Variants in SEC14L1 observed in about 807,000 individuals in gnomAD.
The protein encoded by SEC14L1 is SEC14 like lipid binding 1, also known as SEC14-like protein 1.
A neutral mutation model predicts 85.3 loss-of-function variants in SEC14L1; 48 were observed. The observed-to-expected ratio is 0.56, with a 90% CI of 0.45 to 0.72. The LOEUF (loss-of-function observed/expected upper bound fraction) is 0.72. Among genes scored for constraint, SEC14L1 ranks in the 30% least tolerant of loss-of-function variants. The pLI is 0.00. For missense variants in SEC14L1, 682 were observed against 921.4 expected (o/e 0.74, Z 3.36); for synonymous variants, 391 against 355.5 (o/e 1.10, Z -1.12).
At chr17:77,175,950 G>A (rs1368082466) in intron 3 of SEC14L1, among the ~76,000 whole-genome samples, 4 of 152,120 alleles carry the variant, frequency 2.6e-5, no homozygotes, top group Admixed American at 6.6e-5. Flanking sequence ...ATGCAAAAAA[G>A]GTTAAAGTGA....
At chr17:77,171,599 GC>G in intron 3 of SEC14L1, among the ~76,000 whole-genome samples, 1 of 152,258 alleles carries the variant, frequency 6.6e-6, no homozygotes, top group Non-Finnish European at 1.5e-5. Context: ...TGTTAATGAG[GC>G]CTTGCTCTGT....
chr17:77,145,752 C>T (rs558833757), intron 3 of SEC14L1, among the ~76,000 whole-genome samples: 73 of 152,140 alleles, frequency 4.8e-4, no homozygotes, highest in Non-Finnish European at 9.6e-4. Flanking sequence ...GGCTGAGCTC[C>T]AGAGCCTGGT....
Position 77,205,271 on chromosome 17 carries a change from T to C in SEC14L1, c.1099-5T>C, listed in dbSNP as rs756720827. 8 of 1,613,456 alleles carry C rather than the reference T, an allele frequency of 5.0e-6. No homozygotes were observed. The highest frequency in any genetic ancestry group is 1.1e-5 in the South Asian group (1 of 90,896). ...TGGTAAATTTTCATGCCCTTTTGTA[T>C]GTAGGTTCTCTCCATAAATGAAGAA... is the stretch of plus-strand genomic sequence containing the variant. On this transcript the variant is annotated splice_polypyrimidine_tract_variant and splice_region_variant and intron_variant, in intron 10 of 16. Coordinates refer to ENST00000436233, the MANE Select transcript of SEC14L1 (RefSeq NM_001143998.2).
At chr17:77,122,163 G>T (rs1348032295) in intron 3 of SEC14L1, among the ~76,000 whole-genome samples, 2 of 152,200 alleles carry the variant, frequency 1.3e-5, no homozygotes, top group Admixed American at 1.3e-4. Flanking sequence ...ACAGTAGGTG[G>T]ATTGCTTCTG....
chr17:77,112,932 G>A (rs942249384), intron 3 of SEC14L1, among the ~76,000 whole-genome samples: 5 of 152,038 alleles, frequency 3.3e-5, no homozygotes, highest in East Asian at 1.9e-4. Context: ...TTGGGAGGCC[G>A]AGGTGGAAGG....
chr17:77,103,854 G>A (rs879837887), intron 3 of SEC14L1, among the ~76,000 whole-genome samples: 1 of 150,388 alleles, frequency 6.6e-6, no homozygotes, highest in African/African-American at 2.5e-5. Context: ...AATGCACAGC[G>A]GGAAGACCGT....
chr17:77,213,646 C>A lies in SEC14L1; in HGVS notation c.2042+154C>A. 2.1e-6 allele frequency: 2 copies of A among 947,226 alleles called. No individual in the cohort carries two copies. Among genetic ancestry groups the A allele is most frequent in the Non-Finnish European group, 3.3e-6 (2 of 608,824 alleles). 58.7% of individuals were successfully genotyped at this position (947,226 alleles called of 1,614,324 possible). On this transcript the variant is annotated intron_variant, in intron 16 of 16. Transcript: ENST00000436233. The surrounding 1 kb of genome is among the most constrained non-coding windows in gnomAD (Gnocchi z 7.1). ...GAGTGGCTTTGGGGTCATTTGTTGG[C>A]ACGGTGACTCCCTGCCTGTCTGCAG...
At position 77,214,067 on chromosome 17, in the gene SEC14L1, C is replaced by T. The variant is rs374641559; in HGVS notation, c.*44C>T. The stretch of plus-strand genomic sequence containing the variant: ...TAGTGTGCAGAGGGGACGGCCGCCC[C>T]TCCTCGGACAGCCAGCTGCACCCGC... On this transcript the variant is annotated 3_prime_UTR_variant, in exon 17 of 17. Coordinates refer to ENST00000436233, the MANE Select transcript of SEC14L1 (RefSeq NM_001143998.2). 2.5e-6 allele frequency: 4 copies of T among 1,585,548 alleles called. No individual in the cohort carries two copies. Among genetic ancestry groups the T allele is most frequent in the African/African-American group, 1.3e-5 (1 of 74,370 alleles).
At position 77,215,840 on chromosome 17, in the gene SEC14L1, AGTAGGTAGGGTTAGTAGGTAGGGTTC is replaced by A; in HGVS notation, c.*1830_*1855del. The A allele has an allele frequency of 1.1e-6, 1 of 939,348 alleles. No individual in the cohort carries two copies. The highest frequency in any genetic ancestry group is 2.1e-5 in the African/African-American group (1 of 46,518). 58.2% of individuals were successfully genotyped at this position (939,348 alleles called of 1,614,324 possible). On this transcript the variant is annotated 3_prime_UTR_variant, in exon 17 of 17. Transcript: ENST00000436233. Reference sequence around the variant, plus strand: ...GTAGGTAGGGTTAGTAGGTAGGGCTAGTAGGTAGGGTTAGTAGGTAGGGTTCGTAGGTAGGGTTCGTAGGTAGGGTT... The same window carrying A: ...GTAGGTAGGGTTAGTAGGTAGGGCTAGTAGGTAGGGTTCGTAGGTAGGGTT...
intron 3 of SEC14L1, among the ~76,000 whole-genome samples, chr17:77,166,453 G>C (rs1974287080): frequency 6.6e-6 from 1 of 152,120 alleles, no homozygotes; most frequent in Non-Finnish European, 1.5e-5. Context: ...AACTGGAGTG[G>C]GGCAGACCTG....
intron 3 of SEC14L1, among the ~76,000 whole-genome samples, chr17:77,184,512 T>A (rs1252682442): frequency 1.3e-5 from 2 of 152,316 alleles, no homozygotes; most frequent in East Asian, 3.9e-4. Context: ...TTTGCCACCC[T>A]TTTTTCTTTC....
intron 4 of SEC14L1, 108 bp downstream of exon 4, chr17:77,191,060 C>T (rs1292623134): frequency 7.2e-6 from 11 of 1,525,830 alleles, no homozygotes; most frequent in African/African-American, 1.4e-5. Flanking sequence ...AGGGAGAGGG[C>T]GTCCTGGAGG....
chr17:77,095,256 A>G (rs145673217), intron 3 of SEC14L1, among the ~76,000 whole-genome samples: 88 of 152,300 alleles, frequency 5.8e-4, no homozygotes, highest in African/African-American at 2.1e-3. Context: ...TTTCCTCATT[A>G]TCACCCCGAG....
chr17:77,213,688 A>G lies in SEC14L1; in HGVS notation c.2042+196A>G. The G allele has an allele frequency of 1.2e-6, 1 of 852,894 alleles. No homozygotes were observed. The highest frequency in any genetic ancestry group is 1.9e-6 in the Non-Finnish European group (1 of 522,904). The allele number at this position is 852,894 out of a possible 1,614,324, so 52.8% of individuals were successfully genotyped here. A position where few individuals can be genotyped will look rare whatever the true frequency, so the allele number is the denominator to read the frequency against. ...TGTCTGCAGAGGGAGAGTGTCGGAGACAGAGCCGACTGACTGCCTTTGCTT... is the reference window on the plus strand; with the variant it reads ...TGTCTGCAGAGGGAGAGTGTCGGAGGCAGAGCCGACTGACTGCCTTTGCTT... On this transcript the variant is annotated intron_variant, in intron 16 of 16. Coordinates refer to ENST00000436233, the MANE Select transcript of SEC14L1 (RefSeq NM_001143998.2). This position sits in a 1 kb window ranked among gnomAD's most constrained non-coding sequence, Gnocchi z 7.1.
intron 3 of SEC14L1, among the ~76,000 whole-genome samples, chr17:77,135,065 C>T (rs557882386): frequency 3.3e-5 from 5 of 152,294 alleles, no homozygotes; most frequent in South Asian, 4.1e-4. Flanking sequence ...ACACCAGTGG[C>T]CCTCTTATTA....
chr17:77,154,276 G>C (rs1186275245), intron 3 of SEC14L1, among the ~76,000 whole-genome samples: 1 of 152,100 alleles, frequency 6.6e-6, no homozygotes, highest in Non-Finnish European at 1.5e-5. Flanking sequence ...TTTGAGACTA[G>C]CCTGGGCAAC....
chr17:77,216,801 C>A lies in SEC14L1; in HGVS notation c.*2778C>A. On this transcript the variant is annotated 3_prime_UTR_variant, in exon 17 of 17. Coordinates refer to ENST00000436233, the MANE Select transcript of SEC14L1 (RefSeq NM_001143998.2). ...CTCCCGAGTAATCCAATCTCACTCC[C>A]CTTGTAAGGGAATTCTGGGGCAGCT... 1.6e-6 allele frequency: 1 copy of A among 638,128 alleles called. No individual in the cohort carries two copies. Among genetic ancestry groups the A allele is most frequent in the Non-Finnish European group, 2.6e-6 (1 of 391,366 alleles). The allele number at this position is 638,128 out of a possible 1,614,324, so 39.5% of individuals were successfully genotyped here.
chr17:77,160,662 C>T (rs903214856), intron 3 of SEC14L1, among the ~76,000 whole-genome samples: 1 of 152,114 alleles, frequency 6.6e-6, no homozygotes, highest in South Asian at 2.1e-4. Context: ...GATGTGTATA[C>T]CTCCATTTTT....
At chr17:77,146,911 T>C (rs80078061) in intron 3 of SEC14L1, among the ~76,000 whole-genome samples, 1 of 152,216 alleles carries the variant, frequency 6.6e-6, no homozygotes, top group East Asian at 1.9e-4. Flanking sequence ...TAATTTTTTT[T>C]GTCATTGAGG....
Sources: gnomAD v4.1 joint callset for allele counts (sites outside exome capture counted in the v4.1 genomes callset) on GRCh38, gnomAD v4.1.1 for gene constraint, Gnocchi (gnomAD v3.1) non-coding constraint, MANE v1.5 for transcripts, NCBI Gene and HGNC (gene_info 2026-07-23, HGNC 2026-07-21) for gene names.